The following MYLK3 variants were observed in gnomAD, a reference collection of about 807,000 sequenced individuals.
The protein encoded by MYLK3 is myosin light chain kinase 3.
A neutral mutation model predicts 76.3 loss-of-function variants in MYLK3; 55 were observed. The ratio of observed to expected loss-of-function variants is 0.72; its 90% CI spans 0.58 to 0.90. The LOEUF is 0.90. MYLK3 is among the 40% of genes least tolerant of loss of function. The pLI is 0.00. For synonymous variants in MYLK3, 416 were observed against 425.4 expected, an observed-to-expected ratio of 0.98 and a Z score of 0.27; for missense variants, 973 against 1,053.6, an observed-to-expected ratio of 0.92 and a Z score of 1.06.
chr16:46,714,284 A>T (rs542092322), intron 9 of MYLK3, among the ~76,000 whole-genome samples: 4 of 152,332 alleles, frequency 2.6e-5, no homozygotes, highest in African/African-American at 9.6e-5. Context: ...AGATGAGGCA[A>T]TTGAGAATAA....
chr16:46,722,429 G>T (rs1225498895), intron 8 of MYLK3, among the ~76,000 whole-genome samples: 1 of 152,148 alleles, frequency 6.6e-6, no homozygotes, highest in Non-Finnish European at 1.5e-5. Flanking sequence ...GCAAATGTCA[G>T]CTACTGTTTC....
intron 1 of MYLK3, among the ~76,000 whole-genome samples, chr16:46,753,367 A>G (rs1967153297): frequency 6.6e-6 from 1 of 152,168 alleles, no homozygotes; most frequent in Non-Finnish European, 1.5e-5. Context: ...CCACACCACA[A>G]TAGTTCCAGG....
intron 5 of MYLK3, chr16:46,729,953 A>C: frequency 1.9e-6 from 1 of 537,446 alleles, no homozygotes; most frequent in Non-Finnish European, 3.3e-6. Flanking sequence ...CCGAAGGAAC[A>C]TCCCCTTCAC....
intron 9 of MYLK3, among the ~76,000 whole-genome samples, chr16:46,719,376 C>T (rs151044887): frequency 5.7e-4 from 86 of 151,812 alleles, no homozygotes; most frequent in African/African-American, 1.9e-3. Context: ...ATGTCATTCT[C>T]GGAGGAAACA....
At chr16:46,727,775 C>A (rs948124253) in intron 7 of MYLK3, among the ~76,000 whole-genome samples, 1 of 152,252 alleles carries the variant, frequency 6.6e-6, no homozygotes. Flanking sequence ...GATCCACCCA[C>A]CTCGGCCTCC....
intron 8 of MYLK3, 104 bp downstream of exon 8, chr16:46,727,132 G>A: frequency 7.6e-7 from 1 of 1,317,806 alleles, no homozygotes; most frequent in Non-Finnish European, 1.0e-6. Flanking sequence ...CAGAGAGCCA[G>A]GAATGGAAGC....
At chr16:46,758,139 A>G (rs575742905) in intron 1 of MYLK3, among the ~76,000 whole-genome samples, 1 of 152,146 alleles carries the variant, frequency 6.6e-6, no homozygotes. Context: ...ACAAGGAGAC[A>G]AGGACACGTG....
chr16:46,739,126 C>T (rs1486463177), intron 2 of MYLK3, among the ~76,000 whole-genome samples: 1 of 152,136 alleles, frequency 6.6e-6, no homozygotes, highest in Non-Finnish European at 1.5e-5. Flanking sequence ...CAGGTGTGAG[C>T]CACCGTGCCC....
At chr16:46,763,008 C>A in intron 1 of MYLK3, 4 of 985,478 alleles carry the variant, frequency 4.1e-6, no homozygotes, top group Non-Finnish European at 4.8e-6. Context: ...CCCCCACACA[C>A]ACACAGTAGG....
intron 1 of MYLK3, among the ~76,000 whole-genome samples, chr16:46,760,299 T>C (rs1049184488): frequency 6.6e-5 from 10 of 152,180 alleles, no homozygotes; most frequent in African/African-American, 2.4e-4. Flanking sequence ...ACGCGCAGCT[T>C]TGGGACCCCA....
At chr16:46,720,480 C>A (rs1451407055) in intron 9 of MYLK3, among the ~76,000 whole-genome samples, 1 of 152,148 alleles carries the variant, frequency 6.6e-6, no homozygotes, top group Non-Finnish European at 1.5e-5. Context: ...GGATTATAAG[C>A]ATTAGCCACT....
At chr16:46,720,262 G>A (rs1966786048) in intron 9 of MYLK3, among the ~76,000 whole-genome samples, 1 of 152,082 alleles carries the variant, frequency 6.6e-6, no homozygotes, top group Non-Finnish European at 1.5e-5. Flanking sequence ...TGCCCAGACT[G>A]GAGTGTAATA....
In MYLK3 at chr16:46,747,863, G is replaced by A. The variant is rs777880744; in HGVS notation, c.331C>T (p.Leu111=). 1 of 1,614,130 alleles carries A rather than the reference G, an allele frequency of 6.2e-7. No individual in the cohort carries two copies. The highest frequency in any genetic ancestry group is 1.7e-5 in the Admixed American group (1 of 60,036). ...QQDAAQHGAR[L]EALFRMVAAV... ...GCCACCATCCTGAAGAGGGCCTCCAGCCTGGCACCGTGCTGGGCCGCATCC... is the reference window on the plus strand; with the variant it reads ...GCCACCATCCTGAAGAGGGCCTCCAACCTGGCACCGTGCTGGGCCGCATCC... Residue 111 remains leucine, a synonymous_variant, in exon 1 of 13, where the codon CTG becomes TTG. Coordinates refer to ENST00000394809, the MANE Select transcript of MYLK3 (RefSeq NM_182493.3).
rs376752336 is a variant in MYLK3, at chr16:46,732,351, A to G, written c.1319T>C (p.Val440Ala). 2.5e-6 allele frequency: 4 copies of G among 1,613,276 alleles called. No homozygotes were observed. Among genetic ancestry groups the G allele is most frequent in the Admixed American group, 1.7e-5 (1 of 60,014 alleles). The part of the protein sequence containing the change: ...LARSDDNDHE[V>A]GALGLQQGKS... ...GCCCTGCTGCAGGCCCAGGGCCCCA[A>G]CCTCGTGGTCATTGTCGTCACTCCT... Residue 440 changes from valine (V) to alanine (A), a missense_variant, in exon 4 of 13, where the codon GTT becomes GCT. This residue lies in a region of MYLK3 where 641 missense variants were observed against 637.0 expected (regional missense o/e 1.01). Coordinates refer to ENST00000394809, the MANE Select transcript of MYLK3 (RefSeq NM_182493.3).
intron 3 of MYLK3, among the ~76,000 whole-genome samples, chr16:46,734,253 G>C (rs1966858982): frequency 6.6e-6 from 1 of 152,194 alleles, no homozygotes; most frequent in Admixed American, 6.5e-5. Context: ...GGGACGTTCT[G>C]ACACACACTA....
At chr16:46,734,879 C>T (rs990338068) in intron 3 of MYLK3, among the ~76,000 whole-genome samples, 3 of 152,014 alleles carry the variant, frequency 2.0e-5, no homozygotes, top group African/African-American at 4.8e-5. Flanking sequence ...CTGTGGCTCA[C>T]ACTTGTAATC....
intron 9 of MYLK3, among the ~76,000 whole-genome samples, chr16:46,717,399 T>G (rs757425986): frequency 6.6e-5 from 10 of 152,130 alleles, no homozygotes; most frequent in Non-Finnish European, 1.0e-4. Flanking sequence ...TTGACTAATT[T>G]TTGGTAAATT....
chr16:46,756,994 G>A (rs1967208968), intron 1 of MYLK3, among the ~76,000 whole-genome samples: 1 of 152,280 alleles, frequency 6.6e-6, no homozygotes, highest in South Asian at 2.1e-4. Context: ...GAGGAGGAAG[G>A]GGGACAGCTT....
intron 9 of MYLK3, among the ~76,000 whole-genome samples, chr16:46,714,645 G>A (rs1348627178): frequency 2.0e-5 from 3 of 152,162 alleles, no homozygotes; most frequent in Non-Finnish European, 4.4e-5. Flanking sequence ...GTGCCTCTTC[G>A]TGCCCCACAG....
Sources: gnomAD v4.1 joint callset for allele counts (sites outside exome capture counted in the v4.1 genomes callset) on GRCh38, gnomAD v4.1.1 for gene constraint, gnomAD v4.1.1 regional missense constraint, MANE v1.5 for transcripts, NCBI Gene and HGNC (gene_info 2026-07-23, HGNC 2026-07-21) for gene names.